The following TPRG1 variants were observed in gnomAD, a reference collection of about 807,000 sequenced individuals.
The protein encoded by TPRG1 is tumor protein p63 regulated 1.
In TPRG1, 29 loss-of-function variants were observed where a neutral mutation model predicts 29.3. The ratio of observed to expected loss-of-function variants is 0.99; its 90% CI spans 0.74 to 1.35. The LOEUF is 1.35. TPRG1 is among the 40% of genes most tolerant of loss of function. The probability of loss-of-function intolerance (pLI) is 0.00; values close to 1 mark genes in which losing one functional copy is unlikely to be tolerated. For missense variants in TPRG1, 327 were observed against 335.0 expected, an observed-to-expected ratio of 0.98 and a Z score of 0.19; for synonymous variants, 130 against 116.8, an observed-to-expected ratio of 1.11 and a Z score of -0.73.
chr3:189,078,388 C>T (rs370361869), intron 4 of TPRG1, among the ~76,000 whole-genome samples: 73 of 152,130 alleles, frequency 4.8e-4, no homozygotes, highest in Middle Eastern at 3.4e-3. Flanking sequence ...TCTGCCACCT[C>T]AGCCTCCCAA....
At chr3:189,156,612 A>G (rs967492440) in intron 5 of TPRG1, among the ~76,000 whole-genome samples, 1 of 152,206 alleles carries the variant, frequency 6.6e-6, no homozygotes, top group African/African-American at 2.4e-5. Context: ...TGCTCGGGCT[A>G]TGCTAAGAGG....
intron 1 of TPRG1, among the ~76,000 whole-genome samples, chr3:189,102,554 C>T (rs541161514): frequency 1.4e-4 from 21 of 152,260 alleles, no homozygotes; most frequent in African/African-American, 5.1e-4. Flanking sequence ...GACTCTATTG[C>T]CTAAATTCAG....
chr3:189,044,348 A>G (rs1714825119), intron 4 of TPRG1, among the ~76,000 whole-genome samples: 1 of 152,166 alleles, frequency 6.6e-6, no homozygotes, highest in Non-Finnish European at 1.5e-5. Context: ...TGAGGTCAGG[A>G]CTTTGAGACC....
intron 1 of TPRG1, among the ~76,000 whole-genome samples, chr3:189,198,748 A>G (rs539085887): frequency 1.3e-5 from 2 of 152,320 alleles, no homozygotes; most frequent in African/African-American, 4.8e-5. Context: ...CCACTAGTGA[A>G]GACAGGAAAG....
intron 1 of TPRG1, among the ~76,000 whole-genome samples, chr3:189,119,556 TCCA>T (rs578115141): frequency 1.9e-4 from 29 of 152,244 alleles, no homozygotes; most frequent in Admixed American, 1.8e-3. Context: ...TGTAATAATC[TCCA>T]CATGTCGTGG....
At chr3:189,313,202 T>A (rs917551605) in intron 5 of TPRG1, 4 of 152,230 alleles carry the variant, frequency 2.6e-5, no homozygotes, top group Admixed American at 6.5e-5. Flanking sequence ...GGTTTTTGTG[T>A]CTTATTTTCT....
chr3:189,245,973 A>T (rs1741319614), intron 4 of TPRG1, among the ~76,000 whole-genome samples: 1 of 152,146 alleles, frequency 6.6e-6, no homozygotes, highest in Non-Finnish European at 1.5e-5. Context: ...CATTATTGTA[A>T]CTACTGTGTC....
chr3:189,055,452 AT>A (rs1715605917), intron 4 of TPRG1, among the ~76,000 whole-genome samples: 1 of 152,192 alleles, frequency 6.6e-6, no homozygotes, highest in Admixed American at 6.5e-5. Flanking sequence ...TCAGGCTCTG[AT>A]TCACAGGGAA....
At chr3:189,093,346 C>A (rs1172299448) in intron 4 of TPRG1, among the ~76,000 whole-genome samples, 1 of 152,112 alleles carries the variant, frequency 6.6e-6, no homozygotes, top group Non-Finnish European at 1.5e-5. Flanking sequence ...AATTGAGTAG[C>A]CTTCAACATT....
chr3:189,150,237 C>T (rs890568168), intron 4 of TPRG1, among the ~76,000 whole-genome samples: 5 of 152,202 alleles, frequency 3.3e-5, no homozygotes, highest in African/African-American at 1.2e-4. Flanking sequence ...ACCTGGAGTG[C>T]AGTGGCACGA....
chr3:189,241,982 G>T (rs1339436098), intron 4 of TPRG1, among the ~76,000 whole-genome samples: 1 of 151,902 alleles, frequency 6.6e-6, no homozygotes, highest in Non-Finnish European at 1.5e-5. Context: ...TTCTTTCAAG[G>T]CTTCTAAATT....
At chr3:189,213,966 T>C (rs1010651607) in intron 2 of TPRG1, among the ~76,000 whole-genome samples, 2 of 152,180 alleles carry the variant, frequency 1.3e-5, no homozygotes, top group Non-Finnish European at 2.9e-5. Context: ...AAATTTTTGC[T>C]ATCCAAAAAT....
At chr3:189,210,598 A>G (rs1163453134) in intron 2 of TPRG1, among the ~76,000 whole-genome samples, 1 of 152,234 alleles carries the variant, frequency 6.6e-6, no homozygotes, top group Admixed American at 6.5e-5. Flanking sequence ...TATGCAAAAC[A>G]TTATATTCTA....
At chr3:189,232,550 C>T (rs1738830141) in intron 3 of TPRG1, among the ~76,000 whole-genome samples, 1 of 152,162 alleles carries the variant, frequency 6.6e-6, no homozygotes, top group South Asian at 2.1e-4. Flanking sequence ...TTACATATTC[C>T]CCCTCACATC....
At chr3:189,124,915 A>G (rs1426454850) in intron 1 of TPRG1, among the ~76,000 whole-genome samples, 1 of 152,210 alleles carries the variant, frequency 6.6e-6, no homozygotes, top group Non-Finnish European at 1.5e-5. Context: ...CTTTTAATTT[A>G]TTAGCTTGAA....
intron 4 of TPRG1, among the ~76,000 whole-genome samples, chr3:189,296,262 C>A (rs1003612277): frequency 9.9e-5 from 15 of 152,190 alleles, no homozygotes; most frequent in African/African-American, 3.6e-4. Context: ...TGCCTAATTT[C>A]TTCAAAAGTT....
intron 4 of TPRG1, among the ~76,000 whole-genome samples, chr3:189,254,834 G>A (rs780008698): frequency 9.3e-4 from 142 of 152,048 alleles, no homozygotes; most frequent in Non-Finnish European, 1.8e-3. Flanking sequence ...GTCTATTATT[G>A]GCGTATAGGA....
chr3:189,195,896 C>G (rs1177742486), intron 1 of TPRG1, among the ~76,000 whole-genome samples: 1 of 152,136 alleles, frequency 6.6e-6, no homozygotes, highest in Non-Finnish European at 1.5e-5. Context: ...TTCTGTTACT[C>G]CCCTGATGTA....
At chr3:189,174,729 A>C (rs1233710069) in intron 1 of TPRG1, among the ~76,000 whole-genome samples, 1 of 152,194 alleles carries the variant, frequency 6.6e-6, no homozygotes, top group Non-Finnish European at 1.5e-5. Flanking sequence ...TCAGCTAGCT[A>C]TCAAAACTCA....
Sources: allele counts gnomAD v4.1 joint callset (sites outside exome capture counted in the v4.1 genomes callset), GRCh38; gene constraint gnomAD v4.1.1; transcripts MANE v1.5; gene names NCBI Gene and HGNC (gene_info 2026-07-23, HGNC 2026-07-21).